ZNF609: variants seen among roughly 807,000 people sequenced by gnomAD.
The protein encoded by ZNF609 is zinc finger protein 609.
ZNF609 carries 11 observed loss-of-function variants against 109.5 expected under a neutral mutation model. The ratio of observed to expected loss-of-function variants is 0.10; its 90% confidence interval spans 0.06 to 0.17. The LOEUF (loss-of-function observed/expected upper bound fraction) is 0.17, where lower values mean the gene tolerates loss of function less well. ZNF609 is among the 10% of genes least tolerant of loss of function. ZNF609 has a pLI of 1.00. For synonymous variants in ZNF609, 646 were observed against 662.0 expected, an observed-to-expected ratio of 0.98 and a Z score of 0.37; for missense variants, 1,559 against 1,772.4, an observed-to-expected ratio of 0.88 and a Z score of 2.16.
rs1896236723 is a variant in ZNF609, at chr15:64,640,394, T to C, written c.973+17342T>C. ...CTTCCTTGGGTAAATACACTTGTGC[T>C]TTCTTTTTTTTTTTTACTGAGAGTG... is the stretch of plus-strand genomic sequence containing the variant. On this transcript the variant is annotated intron_variant, in intron 3 of 9. Coordinates refer to ENST00000326648, the MANE Select transcript of ZNF609 (RefSeq NM_015042.2). 2.0e-5 allele frequency among the ~76,000 whole-genome samples: 3 copies of C among 151,802 alleles called. No homozygotes were observed. The South Asian group carries it at 6.2e-4, about 32-fold the overall frequency.
intron 3 of ZNF609, among the ~76,000 whole-genome samples, chr15:64,647,488 A>T (rs901705827): frequency 2.6e-5 from 4 of 152,120 alleles, no homozygotes; most frequent in Non-Finnish European, 2.9e-5. Context: ...CCAATGTTTG[A>T]ATTTTTATAT....
At chr15:64,550,625 T>C (rs1367188102) in intron 2 of ZNF609, among the ~76,000 whole-genome samples, 1 of 151,918 alleles carries the variant, frequency 6.6e-6, no homozygotes, top group Non-Finnish European at 1.5e-5. Context: ...GGTGGGCGGA[T>C]CACCTGAGGT....
At chr15:64,536,903 C>T (rs1339512587) in intron 2 of ZNF609, among the ~76,000 whole-genome samples, 1 of 126,730 alleles carries the variant, frequency 7.9e-6, no homozygotes, top group African/African-American at 3.0e-5. Flanking sequence ...GAGAGAGACC[C>T]TGTCTCAAAA....
chr15:64,537,528 A>G (rs1894173286), intron 2 of ZNF609, among the ~76,000 whole-genome samples: 1 of 151,880 alleles, frequency 6.6e-6, no homozygotes. Context: ...AAAAGAAAAA[A>G]AAGAGCAGAG....
chr15:64,529,148 T>C, intron 2 of ZNF609: 1 of 745,766 alleles, frequency 1.3e-6, no homozygotes, highest in South Asian at 1.4e-5. Context: ...ACTGTGGTCA[T>C]GAATCCTTCT....
chr15:64,652,095 A>G (rs1469976062), intron 3 of ZNF609, among the ~76,000 whole-genome samples: 2 of 152,156 alleles, frequency 1.3e-5, no homozygotes, highest in Non-Finnish European at 1.5e-5. Flanking sequence ...GCTGGAGTGC[A>G]GTGGTGCAAT....
chr15:64,484,094 C>G (rs766709787), intron 1 of ZNF609, among the ~76,000 whole-genome samples: 2 of 148,022 alleles, frequency 1.4e-5, no homozygotes, highest in African/African-American at 5.0e-5. Context: ...CAAAGACCAT[C>G]TTGATGATAA....
intron 3 of ZNF609, among the ~76,000 whole-genome samples, chr15:64,635,128 A>G (rs1896155018): frequency 6.6e-6 from 1 of 152,124 alleles, no homozygotes; most frequent in South Asian, 2.1e-4. Flanking sequence ...GCATGCTCAC[A>G]CACCTCCTCC....
intron 2 of ZNF609, among the ~76,000 whole-genome samples, chr15:64,541,407 A>G (rs1477836725): frequency 6.7e-6 from 1 of 148,502 alleles, no homozygotes; most frequent in East Asian, 2.0e-4. Flanking sequence ...AGCCTGGGCG[A>G]CAGAGCGAGA....
chr15:64,579,602 T>TG (rs977336876), intron 2 of ZNF609, among the ~76,000 whole-genome samples: 14 of 151,278 alleles, frequency 9.3e-5, no homozygotes, highest in Non-Finnish European at 1.9e-4. Flanking sequence ...CCCAGCTACT[T>TG]GGGAGGGTGA....
intron 2 of ZNF609, chr15:64,501,510 CAG>C (rs1189467454): frequency 6.6e-6 from 1 of 152,226 alleles, no homozygotes; most frequent in Non-Finnish European, 1.5e-5. Flanking sequence ...TCCACTTCAG[CAG>C]AGTCAGGTTC....
intron 1 of ZNF609, among the ~76,000 whole-genome samples, chr15:64,467,345 A>G (rs770524195): frequency 6.6e-6 from 1 of 152,068 alleles, no homozygotes; most frequent in Non-Finnish European, 1.5e-5. Context: ...CCTCCCAGCA[A>G]TATCTCTACC....
At chr15:64,616,219 CCT>C (rs1268031946) in intron 2 of ZNF609, among the ~76,000 whole-genome samples, 3 of 151,900 alleles carry the variant, frequency 2.0e-5, no homozygotes, top group Admixed American at 2.0e-4. Context: ...GTCTAGAACT[CCT>C]CAGCTCAAGC....
intron 2 of ZNF609, among the ~76,000 whole-genome samples, chr15:64,553,942 G>T (rs571733834): frequency 2.0e-5 from 3 of 152,276 alleles, no homozygotes; most frequent in African/African-American, 7.2e-5. Flanking sequence ...CTGCAACCAT[G>T]CTAAACTGAT....
intron 2 of ZNF609, among the ~76,000 whole-genome samples, chr15:64,511,504 G>T (rs926680833): frequency 8.7e-5 from 13 of 150,232 alleles, no homozygotes; most frequent in African/African-American, 2.9e-4. Flanking sequence ...AAAAAAGGAG[G>T]TATATATAGT....
intron 3 of ZNF609, among the ~76,000 whole-genome samples, chr15:64,657,555 A>AG (rs1896509311): frequency 6.6e-6 from 1 of 152,174 alleles, no homozygotes; most frequent in African/African-American, 2.4e-5. Flanking sequence ...CGGAGGTTGC[A>AG]GTGAGCTGAG....
At chr15:64,490,365 G>A (rs572441) in intron 1 of ZNF609, among the ~76,000 whole-genome samples, 3 of 151,472 alleles carry the variant, frequency 2.0e-5, no homozygotes, top group African/African-American at 7.3e-5. Context: ...CCTCCACCTC[G>A]CGGGTTCAAG....
At chr15:64,535,041 A>G (rs2081502138) in intron 2 of ZNF609, among the ~76,000 whole-genome samples, 1 of 130,630 alleles carries the variant, frequency 7.7e-6, no homozygotes, top group Non-Finnish European at 1.8e-5. Context: ...CTCCGTCTCC[A>G]AAAAAAAAAA....
At chr15:64,604,546 G>A (rs1895562745) in intron 2 of ZNF609, among the ~76,000 whole-genome samples, 2 of 152,140 alleles carry the variant, frequency 1.3e-5, no homozygotes, top group Admixed American at 1.3e-4. Context: ...TCTTGCCTTT[G>A]GTCCATTCTT....
Sources: gnomAD v4.1 joint callset for allele counts (sites outside exome capture counted in the v4.1 genomes callset) on GRCh38, gnomAD v4.1.1 for gene constraint, MANE v1.5 for transcripts, NCBI Gene and HGNC (gene_info 2026-07-23, HGNC 2026-07-21) for gene names.